TACC2: variants seen among roughly 807,000 people sequenced by gnomAD.
TACC2 encodes transforming acidic coiled-coil containing protein 2.
Under a neutral mutation model 227.3 loss-of-function variants are expected in TACC2, and 137 were observed. The observed-to-expected ratio is 0.60, with a 90% confidence interval of 0.52 to 0.69. The LOEUF (loss-of-function observed/expected upper bound fraction) is 0.69. Among genes scored for constraint, TACC2 ranks in the 30% least tolerant of loss-of-function variants. TACC2 has a pLI of 0.00. For missense variants in TACC2, 3,470 were observed against 3,694.4 expected, an observed-to-expected ratio of 0.94 and a Z score of 1.57; for synonymous variants, 1,523 against 1,487.5, an observed-to-expected ratio of 1.02 and a Z score of -0.55.
Position 122,107,670 on chromosome 10 carries a change from T to G in TACC2, c.5573+19079T>G, listed in dbSNP as rs951259294. 2.7e-5 allele frequency among the ~76,000 whole-genome samples: 4 copies of G among 146,168 alleles called. No individual in the cohort carries two copies. In the South Asian group the frequency reaches 9.1e-4, roughly 33 times the overall value. ...CTTGCTAGAATGCACATTTCTTTTTTAAAACATATATATATATATATTTCA... is the reference window on the plus strand; with the variant it reads ...CTTGCTAGAATGCACATTTCTTTTTGAAAACATATATATATATATATTTCA... On this transcript the variant is annotated intron_variant, in intron 5 of 22. Coordinates refer to ENST00000369005, the MANE Select transcript of TACC2 (RefSeq NM_206862.4).
At chr10:121,991,673 G>C (rs901914167) in intron 1 of TACC2, among the ~76,000 whole-genome samples, 3 of 152,194 alleles carry the variant, frequency 2.0e-5, no homozygotes, top group South Asian at 2.1e-4. Context: ...TTTTCATCAG[G>C]ATCATGGGAA....
chr10:122,019,603 A>G (rs1957090681), intron 1 of TACC2: 1 of 152,252 alleles, frequency 6.6e-6, no homozygotes, highest in South Asian at 2.1e-4. Flanking sequence ...ATAACGGGGA[A>G]AATCCCTGTG....
intron 1 of TACC2, among the ~76,000 whole-genome samples, chr10:121,990,217 C>A (rs190385911): frequency 8.7e-4 from 132 of 151,826 alleles, no homozygotes; most frequent in African/African-American, 2.9e-3. Context: ...CTAACGCAAT[C>A]CTCCCACCAG....
intron 19 of TACC2, among the ~76,000 whole-genome samples, chr10:122,244,023 C>A (rs1255595315): frequency 6.6e-6 from 1 of 152,216 alleles, no homozygotes; most frequent in Non-Finnish European, 1.5e-5. Context: ...AAAGATTACT[C>A]CCACGGTTTC....
intron 22 of TACC2, among the ~76,000 whole-genome samples, chr10:122,250,547 T>C (rs2096234128): frequency 6.6e-6 from 1 of 152,192 alleles, no homozygotes; most frequent in African/African-American, 2.4e-5. Flanking sequence ...TTGGCTGTCC[T>C]CCTTTGCCCA....
chr10:122,213,013 G>A (rs745851141), intron 9 of TACC2, among the ~76,000 whole-genome samples: 22 of 152,208 alleles, frequency 1.4e-4, no homozygotes, highest in Middle Eastern at 3.2e-3. Flanking sequence ...TCTCATAGGC[G>A]TCCCCAGTCA....
intron 6 of TACC2, among the ~76,000 whole-genome samples, chr10:122,140,865 G>C (rs1418454496): frequency 5.9e-5 from 9 of 152,188 alleles, no homozygotes; most frequent in Non-Finnish European, 8.8e-5. Flanking sequence ...CCTTGACTAG[G>C]CTCCTGGAGG....
intron 5 of TACC2, among the ~76,000 whole-genome samples, chr10:122,106,911 C>G (rs1208685260): frequency 6.6e-6 from 1 of 152,238 alleles, no homozygotes; most frequent in Non-Finnish European, 1.5e-5. Context: ...TGGCCAGATG[C>G]TCCCCTCATC....
chr10:122,204,064 A>C (rs553466405), intron 8 of TACC2, among the ~76,000 whole-genome samples: 19 of 151,168 alleles, frequency 1.3e-4, no homozygotes, highest in South Asian at 2.1e-4. Context: ...AGGCTGAGGC[A>C]GGAGAATCAG....
rs767565546 is a variant in TACC2, at chr10:122,216,728, G to C, written c.7446G>C (p.Thr2482=). The part of the protein sequence containing the change: ...EKLAVTNQKW[T]CMTVDLEADK... ...TGGCGGTCACCAACCAGAAGTGGAC[G>C]TGCATGACAGTGGACCTAGAGGCTG... is the stretch of plus-strand genomic sequence containing the variant. Residue 2482 remains threonine, a synonymous_variant, in exon 11 of 23, where the codon ACG becomes ACC. Coordinates refer to ENST00000369005, the MANE Select transcript of TACC2 (RefSeq NM_206862.4). The C allele has an allele frequency of 6.2e-7, 1 of 1,614,140 alleles. No individual in the cohort carries two copies. The highest frequency in any genetic ancestry group is 2.2e-5 in the East Asian group (1 of 44,868).
chr10:122,095,634 A>G (rs2081294406), intron 5 of TACC2, among the ~76,000 whole-genome samples: 1 of 152,214 alleles, frequency 6.6e-6, no homozygotes, highest in African/African-American at 2.4e-5. Flanking sequence ...TTGGAACTAG[A>G]ACTAGAACCT....
chr10:122,226,348 T>C lies in TACC2; in HGVS notation c.7609-18T>C. 1 of 1,589,818 alleles carries C rather than the reference T, an allele frequency of 6.3e-7. No individual in the cohort carries two copies. The highest frequency in any genetic ancestry group is 8.6e-7 in the Non-Finnish European group (1 of 1,158,656). On this transcript the variant is annotated intron_variant, in intron 12 of 22. Transcript: ENST00000369005. ...GGCCAACTGTACCCAAGCTGATATG[T>C]GATTTTGATCCCTGCAGCAGGACGA...
At chr10:122,012,544 A>G (rs9665002) in intron 1 of TACC2, among the ~76,000 whole-genome samples, 69,046 of 151,392 alleles carry the variant, frequency 0.46, 15,886 homozygotes, top group South Asian at 0.59. Context: ...ATGAGCCACC[A>G]CTCCCAGCCA....
At chr10:122,059,467 A>G (rs2076562269) in intron 3 of TACC2, among the ~76,000 whole-genome samples, 1 of 152,158 alleles carries the variant, frequency 6.6e-6, no homozygotes, top group Admixed American at 6.6e-5. Flanking sequence ...GACACTGACC[A>G]GGGTTTACCC....
chr10:122,236,139 A>C (rs1339735816), intron 16 of TACC2, among the ~76,000 whole-genome samples: 1 of 152,098 alleles, frequency 6.6e-6, no homozygotes, highest in Non-Finnish European at 1.5e-5. Context: ...GTCGTAGGGT[A>C]GGCACGCCTG....
chr10:122,142,238 C>G (rs1043842841), intron 6 of TACC2, among the ~76,000 whole-genome samples: 4 of 152,238 alleles, frequency 2.6e-5, no homozygotes, highest in Admixed American at 6.5e-5. Context: ...TGGGTTCCAG[C>G]CCTGGCTCTG....
intron 3 of TACC2, among the ~76,000 whole-genome samples, chr10:122,075,062 A>C (rs2078612898): frequency 1.3e-5 from 2 of 152,118 alleles, no homozygotes; most frequent in African/African-American, 4.8e-5. Context: ...ACCAGACTCT[A>C]AATTATGAAA....
At chr10:122,214,093 G>C (rs57638399) in intron 9 of TACC2, among the ~76,000 whole-genome samples, 1 of 151,788 alleles carries the variant, frequency 6.6e-6, no homozygotes, top group Non-Finnish European at 1.5e-5. Flanking sequence ...TGGGCAGCTC[G>C]GGGGGGTCCA....
intron 8 of TACC2, among the ~76,000 whole-genome samples, chr10:122,197,848 G>C (rs2094626893): frequency 6.6e-6 from 1 of 152,216 alleles, no homozygotes; most frequent in Non-Finnish European, 1.5e-5. Flanking sequence ...CTCCCAGGCG[G>C]AGGGTCCCCT....
Sources: allele counts gnomAD v4.1 joint callset (sites outside exome capture counted in the v4.1 genomes callset), GRCh38; gene constraint gnomAD v4.1.1; transcripts MANE v1.5; gene names NCBI Gene and HGNC (gene_info 2026-07-23, HGNC 2026-07-21).